RARB: variants seen among roughly 807,000 people sequenced by gnomAD.
RARB encodes retinoic acid receptor beta.
RARB carries 17 observed loss-of-function variants against 51.9 expected under a neutral mutation model. The observed-to-expected ratio is 0.33, with a 90% CI of 0.22 to 0.49. RARB has a LOEUF of 0.49. Ranked by LOEUF, RARB falls within the 20% of genes least tolerant of loss-of-function variation. The pLI is 0.99. For missense variants in RARB, 369 were observed against 550.8 expected (o/e 0.67, Z 3.30); for synonymous variants, 215 against 195.4 (o/e 1.10, Z -0.84).
intron 2 of RARB, among the ~76,000 whole-genome samples, chr3:24,916,670 G>A (rs145941644): frequency 1.3e-3 from 187 of 147,806 alleles, no homozygotes; most frequent in African/African-American, 4.5e-3. Context: ...GTATAAAAGG[G>A]TATAACCATT....
chr3:25,264,135 A>T (rs986070915), intron 5 of RARB, among the ~76,000 whole-genome samples: 3 of 151,392 alleles, frequency 2.0e-5, no homozygotes, highest in African/African-American at 7.3e-5. Context: ...AAAAAGGTTG[A>T]TTCTGTTTTA....
At chr3:25,005,647 T>C (rs748497748) in intron 2 of RARB, among the ~76,000 whole-genome samples, 13 of 152,064 alleles carry the variant, frequency 8.5e-5, no homozygotes, top group African/African-American at 1.4e-4. Context: ...CTCCACAATA[T>C]CCTGTTGGTT....
At chr3:25,377,717 C>G (rs1016358520) in intron 5 of RARB, among the ~76,000 whole-genome samples, 7 of 152,072 alleles carry the variant, frequency 4.6e-5, no homozygotes, top group Non-Finnish European at 1.0e-4. Context: ...TTCCCTAGAT[C>G]AGAAAATTCA....
intron 5 of RARB, among the ~76,000 whole-genome samples, chr3:25,339,556 T>G (rs1457075974): frequency 6.6e-6 from 1 of 151,646 alleles, no homozygotes; most frequent in African/African-American, 2.4e-5. Flanking sequence ...CTCAATTAAA[T>G]TCCATTAAAT....
chr3:24,930,986 C>G (rs1333337806), intron 2 of RARB, among the ~76,000 whole-genome samples: 2 of 152,106 alleles, frequency 1.3e-5, no homozygotes, highest in African/African-American at 4.8e-5. Context: ...GCACTCCACA[C>G]TAGGTGACAG....
intron 5 of RARB, among the ~76,000 whole-genome samples, chr3:25,314,324 T>G (rs1704365393): frequency 1.3e-5 from 2 of 152,230 alleles, no homozygotes; most frequent in South Asian, 2.1e-4. Flanking sequence ...CTCACTATGC[T>G]AATTGGAATT....
At chr3:25,452,770 C>G (rs970514586) in intron 1 of RARB, among the ~76,000 whole-genome samples, 1 of 152,124 alleles carries the variant, frequency 6.6e-6, no homozygotes, top group Admixed American at 6.5e-5. Flanking sequence ...CTAAGGTGCT[C>G]AGTTCTCCCT....
At chr3:25,462,134 C>A (rs1462520507) in intron 2 of RARB, among the ~76,000 whole-genome samples, 1 of 152,152 alleles carries the variant, frequency 6.6e-6, no homozygotes, top group African/African-American at 2.4e-5. Flanking sequence ...TAGGGACTTG[C>A]TACTGTATGT....
In RARB at chr3:25,204,701, G is replaced by A. The variant is rs150723776; in HGVS notation, c.178+30126G>A. Among the ~76,000 whole-genome samples the A allele has an allele frequency of 4.0e-3, 608 of 152,318 alleles. 10 individuals are homozygous for A. Among genetic ancestry groups the A allele is most frequent in the East Asian group, 0.03 (155 of 5,174 alleles). The stretch of plus-strand genomic sequence containing the variant: ...TTGCTGGAGGTTCACTCCAGACCCT[G>A]TTTGCCTGGGTATCAGCAGCAGAGG... On this transcript the variant is annotated intron_variant, in intron 5 of 11. Coordinates refer to the RARB transcript ENST00000383772.
intron 1 of RARB, among the ~76,000 whole-genome samples, chr3:24,850,339 C>T (rs188826214): frequency 2.6e-5 from 4 of 152,282 alleles, no homozygotes; most frequent in Admixed American, 1.3e-4. Flanking sequence ...AGAGTTCCTA[C>T]GGTCTGCAAA....
intron 5 of RARB, among the ~76,000 whole-genome samples, chr3:25,298,214 G>A (rs893540079): frequency 1.5e-4 from 22 of 145,740 alleles, no homozygotes; most frequent in South Asian, 8.6e-4. Context: ...ACGGAATCTC[G>A]CTCTGTCACC....
chr3:25,179,937 T>A (rs777069964), intron 5 of RARB, among the ~76,000 whole-genome samples: 10 of 152,202 alleles, frequency 6.6e-5, no homozygotes, highest in Non-Finnish European at 1.5e-4. Flanking sequence ...AACCTAATAA[T>A]CCTTAGAAGA....
At chr3:25,169,790 C>T (rs1315551384) in intron 4 of RARB, among the ~76,000 whole-genome samples, 1 of 151,904 alleles carries the variant, frequency 6.6e-6, no homozygotes, top group East Asian at 1.9e-4. Context: ...GAGTTCGAGA[C>T]CAGCCCAGGC....
chr3:24,903,440 GTTCT>G (rs1266407113), intron 2 of RARB, among the ~76,000 whole-genome samples: 3 of 151,962 alleles, frequency 2.0e-5, no homozygotes, highest in Non-Finnish European at 2.9e-5. Context: ...CATTTTAAAA[GTTCT>G]TTCTTTATAT....
At position 24,975,170 on chromosome 3, in the gene RARB, G is replaced by A. The variant is rs564956577; in HGVS notation, c.-379-84955G>A. ...GGTTAGAATCTGTATCATGAATATCGTTTATCTATTGAAATTAAATCCTGG... is the reference window on the plus strand; with the variant it reads ...GGTTAGAATCTGTATCATGAATATCATTTATCTATTGAAATTAAATCCTGG... On this transcript the variant is annotated intron_variant, in intron 2 of 11. Coordinates refer to the RARB transcript ENST00000383772. Among the ~76,000 whole-genome samples the A allele has an allele frequency of 7.5e-4, 114 of 152,220 alleles. 1 individual carries two copies. Among genetic ancestry groups the A allele is most frequent in the Admixed American group, 1.4e-3 (21 of 15,282 alleles).
chr3:24,895,938 A>G (rs1161730029), intron 2 of RARB, among the ~76,000 whole-genome samples: 1 of 152,238 alleles, frequency 6.6e-6, no homozygotes, highest in Admixed American at 6.5e-5. Flanking sequence ...ATTATTCACA[A>G]TAGCCAAAAA....
intron 2 of RARB, among the ~76,000 whole-genome samples, chr3:25,008,286 G>A (rs543771373): frequency 9.2e-5 from 14 of 152,194 alleles, no homozygotes; most frequent in African/African-American, 2.9e-4. Context: ...TTTATCTTGA[G>A]AGTAGAAGCC....
intron 5 of RARB, among the ~76,000 whole-genome samples, chr3:25,219,965 G>A (rs1026138760): frequency 6.6e-6 from 1 of 152,178 alleles, no homozygotes; most frequent in Non-Finnish European, 1.5e-5. Context: ...ACTGTGTAGA[G>A]TAAAACACTT....
chr3:25,168,048 C>T (rs1253648229), intron 4 of RARB, among the ~76,000 whole-genome samples: 9 of 152,066 alleles, frequency 5.9e-5, no homozygotes, highest in Non-Finnish European at 1.2e-4. Context: ...AAACAATTTG[C>T]AATAAACTTC....
Sources: gnomAD v4.1 joint callset for allele counts (sites outside exome capture counted in the v4.1 genomes callset) on GRCh38, gnomAD v4.1.1 for gene constraint, MANE v1.5 for transcripts, NCBI Gene and HGNC (gene_info 2026-07-23, HGNC 2026-07-21) for gene names.